Variants in MAMDC2 observed in about 807,000 individuals in gnomAD.
The protein encoded by MAMDC2 is MAM domain-containing protein 2.
Under a neutral mutation model 89.8 loss-of-function variants are expected in MAMDC2, and 57 were observed. The ratio of observed to expected loss-of-function variants is 0.63; its 90% CI spans 0.51 to 0.79. The LOEUF (loss-of-function observed/expected upper bound fraction) is 0.79. Among genes scored for constraint, MAMDC2 ranks in the 30% least tolerant of loss-of-function variants. The pLI is 0.00. For synonymous variants in MAMDC2, 313 were observed against 293.4 expected (o/e 1.07, Z -0.68); for missense variants, 800 against 820.6 (o/e 0.97, Z 0.31).
chr9:70,094,914 T>C (rs1318095620), intron 2 of MAMDC2, among the ~76,000 whole-genome samples: 1 of 152,100 alleles, frequency 6.6e-6, no homozygotes, highest in Non-Finnish European at 1.5e-5. Flanking sequence ...TCTAAACAGG[T>C]CCACCATGTA....
chr9:70,208,031 G>A (rs1310737345), intron 11 of MAMDC2, among the ~76,000 whole-genome samples: 1 of 152,168 alleles, frequency 6.6e-6, no homozygotes, highest in Admixed American at 6.5e-5. Context: ...TTTGGTTACT[G>A]TAGCCTTGTA....
intron 2 of MAMDC2, among the ~76,000 whole-genome samples, chr9:70,095,901 C>A (rs1014329212): frequency 1.3e-5 from 2 of 152,156 alleles, no homozygotes; most frequent in Non-Finnish European, 2.9e-5. Context: ...ATTTTTACAT[C>A]CCACTCACAG....
chr9:70,174,898 T>C (rs2309633), intron 11 of MAMDC2, among the ~76,000 whole-genome samples: 96,833 of 151,764 alleles, frequency 0.64, 31,676 homozygotes, highest in Non-Finnish European at 0.71. Context: ...CTCATTTTTG[T>C]ATTTTTTAGT....
intron 11 of MAMDC2, among the ~76,000 whole-genome samples, chr9:70,209,913 A>T (rs937640997): frequency 4.6e-5 from 7 of 152,184 alleles, no homozygotes; most frequent in African/African-American, 1.7e-4. Flanking sequence ...ATTCAGGAGC[A>T]GGTTGTTCAG....
In MAMDC2 at chr9:70,044,238, C is replaced by T. The variant is rs773618212; in HGVS notation, c.34+7C>T. On this transcript the variant is annotated splice_region_variant and intron_variant, in intron 1 of 13. Transcript: ENST00000377182. ...GTCCTCCTGGCGTTGCAAGGTAAGG[C>T]CTGGACCCCGGGACAACCCCGGGGG... 10 of 1,612,512 alleles carry T rather than the reference C, an allele frequency of 6.2e-6. No homozygotes were observed. The South Asian group carries it at 7.7e-5, about 12-fold the overall frequency.
chr9:70,176,453 A>G (rs1278005329), intron 11 of MAMDC2, among the ~76,000 whole-genome samples: 3 of 152,226 alleles, frequency 2.0e-5, no homozygotes, highest in African/African-American at 7.2e-5. Context: ...AGTGCATGTT[A>G]TTATATGAAT....
At chr9:70,156,733 G>C (rs2031777891) in intron 9 of MAMDC2, among the ~76,000 whole-genome samples, 1 of 152,160 alleles carries the variant, frequency 6.6e-6, no homozygotes, top group African/African-American at 2.4e-5. Context: ...CTACTCTTGA[G>C]TTTTTCAAGC....
intron 2 of MAMDC2, among the ~76,000 whole-genome samples, chr9:70,053,027 T>C (rs1049984401): frequency 6.6e-6 from 1 of 152,174 alleles, no homozygotes; most frequent in Admixed American, 6.5e-5. Context: ...CTGGAAAGTA[T>C]TTTTTGGCAA....
At chr9:70,173,637 T>G (rs1226293221) in intron 11 of MAMDC2, among the ~76,000 whole-genome samples, 1 of 152,192 alleles carries the variant, frequency 6.6e-6, no homozygotes. Flanking sequence ...AGAGATCTAA[T>G]AAGAGGTACA....
intron 5 of MAMDC2, among the ~76,000 whole-genome samples, chr9:70,115,224 G>T (rs745987622): frequency 2.0e-4 from 30 of 152,032 alleles, no homozygotes; most frequent in Admixed American, 3.9e-4. Flanking sequence ...TGGAGCAAGA[G>T]TACAGAAGAA....
rs1464649627 is a variant in MAMDC2, at chr9:70,218,354, G to A, written c.1669G>A (p.Glu557Lys). ...TTGVGYYMYI[E>K]ASHMVYGQKA... ...ACCTCAAGGCTACTACATGTACATT[G>A]AGGCCTCCCATATGGTGTATGGACA... The change falls in exon 12 of 14, where the codon GAG (glutamate) becomes AAG (lysine). Residue 557 changes from glutamate (E) to lysine (K), a missense_variant. Physicochemically the swap from Glu to Lys is moderately conservative, Grantham distance 56. Transcript: ENST00000377182. 1.2e-6 allele frequency: 2 copies of A among 1,613,300 alleles called. No individual in the cohort carries two copies. Among genetic ancestry groups the A allele is most frequent in the Non-Finnish European group, 1.7e-6 (2 of 1,179,576 alleles).
intron 3 of MAMDC2, chr9:70,109,467 A>G (rs1191919651): frequency 9.7e-6 from 4 of 411,608 alleles, no homozygotes; most frequent in Middle Eastern, 4.1e-4. Flanking sequence ...CTGAGCTTCT[A>G]TCAGATGCCT....
chr9:70,112,802 G>T (rs1828544901), intron 4 of MAMDC2, among the ~76,000 whole-genome samples, 193 bp from the exon 5 acceptor site: 1 of 152,176 alleles, frequency 6.6e-6, no homozygotes, highest in Admixed American at 6.5e-5. Context: ...GGCCAATGAT[G>T]AATTAGAATC....
chr9:70,158,641 A>G (rs1275817871), intron 9 of MAMDC2, among the ~76,000 whole-genome samples: 1 of 152,074 alleles, frequency 6.6e-6, no homozygotes, highest in Admixed American at 6.6e-5. Context: ...ATACATTCAA[A>G]TGTACTTATA....
At chr9:70,061,705 C>T (rs181792202) in intron 2 of MAMDC2, among the ~76,000 whole-genome samples, 1 of 152,158 alleles carries the variant, frequency 6.6e-6, no homozygotes, top group East Asian at 1.9e-4. Context: ...CCATGATGAG[C>T]AAAATGACAA....
intron 11 of MAMDC2, chr9:70,217,338 G>A: frequency 7.1e-7 from 1 of 1,398,612 alleles, no homozygotes; most frequent in Non-Finnish European, 1.0e-6. Context: ...ATCCTTGGCA[G>A]ATAAACTGGA....
At chr9:70,197,563 A>C (rs1275203942) in intron 11 of MAMDC2, among the ~76,000 whole-genome samples, 2 of 152,120 alleles carry the variant, frequency 1.3e-5, no homozygotes, top group Non-Finnish European at 2.9e-5. Context: ...CACAGACATC[A>C]AAGGACAAAA....
intron 2 of MAMDC2, among the ~76,000 whole-genome samples, chr9:70,068,087 G>A (rs934796502): frequency 5.9e-5 from 9 of 152,166 alleles, no homozygotes; most frequent in Non-Finnish European, 1.2e-4. Flanking sequence ...TGCTACCATC[G>A]TGAGCTGGTA....
chr9:70,080,878 TGAAGA>T (rs1186880122), intron 2 of MAMDC2, among the ~76,000 whole-genome samples: 11 of 152,116 alleles, frequency 7.2e-5, no homozygotes, highest in Non-Finnish European at 1.5e-4. Context: ...CACTGTCAAA[TGAAGA>T]GAGATTTGGG....
Sources: gnomAD v4.1 joint callset for allele counts (sites outside exome capture counted in the v4.1 genomes callset) on GRCh38, gnomAD v4.1.1 for gene constraint, MANE v1.5 for transcripts, NCBI Gene and HGNC (gene_info 2026-07-23, HGNC 2026-07-21) for gene names.